The following CCL28 variants were observed in gnomAD, a reference collection of about 807,000 sequenced individuals.
CCL28 encodes C-C motif chemokine ligand 28.
A neutral mutation model predicts 7.1 loss-of-function variants in CCL28; 4 were observed. The observed-to-expected ratio is 0.56, with a 90% CI of 0.28 to 1.29. CCL28 has a LOEUF of 1.29. Ranked by LOEUF, CCL28 falls within the 50% of genes most tolerant of loss-of-function variation. The pLI, the probability that CCL28 is intolerant of heterozygous loss-of-function variation, is 0.11. For synonymous variants in CCL28, 55 were observed against 57.8 expected (o/e 0.95, Z 0.22); for missense variants, 151 against 163.4 (o/e 0.92, Z 0.41).
intron 1 of CCL28, among the ~76,000 whole-genome samples, chr5:43,406,508 A>G (rs969783303): frequency 2.0e-5 from 3 of 152,242 alleles, no homozygotes; most frequent in Non-Finnish European, 2.9e-5. Context: ...CCAAATAATC[A>G]GAGCTATTTA....
At chr5:43,370,181 G>A in the CCL28 span, among the ~76,000 whole-genome samples, 16 of 152,156 alleles carry the variant, frequency 1.1e-4, no homozygotes, top group African/African-American at 3.9e-4. Flanking sequence ...AGAAAATTTT[G>A]AGAAATAATA....
the CCL28 span, among the ~76,000 whole-genome samples, chr5:43,371,562 C>A: frequency 6.6e-6 from 1 of 152,102 alleles, no homozygotes; most frequent in Non-Finnish European, 1.5e-5. Context: ...ATGGAGAGAC[C>A]CACATGAGGC....
At chr5:43,361,741 A>C in the CCL28 span, among the ~76,000 whole-genome samples, 1 of 152,292 alleles carries the variant, frequency 6.6e-6, no homozygotes, top group African/African-American at 2.4e-5. Context: ...TTTATTGAAT[A>C]GGGAGTCCCT....
the CCL28 span, among the ~76,000 whole-genome samples, chr5:43,360,518 G>C: frequency 6.6e-6 from 1 of 152,008 alleles, no homozygotes; most frequent in African/African-American, 2.4e-5. Flanking sequence ...GAGAACATGT[G>C]GTATTTGGTT....
At chr5:43,389,362 G>A (rs150189546) in intron 1 of CCL28, among the ~76,000 whole-genome samples, 1 of 152,234 alleles carries the variant, frequency 6.6e-6, no homozygotes, top group Non-Finnish European at 1.5e-5. Flanking sequence ...CTTTAGCTAT[G>A]CTGTGCTGCC....
chr5:43,369,425 C>A, the CCL28 span, among the ~76,000 whole-genome samples: 2 of 148,412 alleles, frequency 1.3e-5, no homozygotes, highest in African/African-American at 5.3e-5. Flanking sequence ...AATTTTATTT[C>A]TTTTCTTTTC....
chr5:43,403,778 T>C (rs1269133035), intron 1 of CCL28, among the ~76,000 whole-genome samples: 1 of 152,128 alleles, frequency 6.6e-6, no homozygotes, highest in Non-Finnish European at 1.5e-5. Context: ...ATTAGATGAA[T>C]GGCTAACTAT....
chr5:43,403,337 A>G (rs1016883660), intron 1 of CCL28, among the ~76,000 whole-genome samples: 1 of 152,310 alleles, frequency 6.6e-6, no homozygotes, highest in East Asian at 1.9e-4. Flanking sequence ...TCAGGCAGCA[A>G]CATTTGCCAT....
intron 1 of CCL28, among the ~76,000 whole-genome samples, chr5:43,408,875 T>C (rs1385736208): frequency 6.7e-6 from 1 of 148,842 alleles, no homozygotes; most frequent in Non-Finnish European, 1.5e-5. Context: ...GTAATTTTAT[T>C]TTTTTGGTAA....
At chr5:43,377,716 A>AATTTTTTTTT (rs1561151287), downstream of CCL28, among the ~76,000 whole-genome samples, 7 of 45,658 alleles carry the variant, frequency 1.5e-4, no homozygotes, top group Non-Finnish European at 3.0e-4. Context: ...TAGAACTTAA[A>AATTTTTTTTT]CTTTTTTTTT....
At chr5:43,357,659 G>C in the CCL28 span, among the ~76,000 whole-genome samples, 1 of 151,954 alleles carries the variant, frequency 6.6e-6, no homozygotes, top group African/African-American at 2.4e-5. Context: ...CTCCCACCCA[G>C]GTCTCTGATG....
At position 43,381,104 on chromosome 5, in the gene CCL28, T is replaced by C. The variant is rs553141177; in HGVS notation, c.*756A>G. The C allele has an allele frequency of 1.3e-5, 2 of 152,206 alleles. No individual in the cohort carries two copies. Among genetic ancestry groups the C allele is most frequent in the South Asian group, 2.1e-4 (1 of 4,826 alleles). 9.4% of individuals were successfully genotyped at this position (152,206 alleles called of 1,614,324 possible). A position where few individuals can be genotyped will look rare whatever the true frequency, so the allele number is the denominator to read the frequency against. ...CCAAAAAGAAACTAGGGGTGAAGTG[T>C]CATGATTTTTGCAACTTATTTTCAA... On this transcript the variant is annotated 3_prime_UTR_variant, in exon 3 of 3. Coordinates refer to ENST00000361115, the MANE Select transcript of CCL28 (RefSeq NM_148672.3).
chr5:43,368,230 G>T, the CCL28 span, among the ~76,000 whole-genome samples: 5 of 152,278 alleles, frequency 3.3e-5, no homozygotes, highest in East Asian at 9.6e-4. Context: ...TGCAACAAAA[G>T]AGCAATTATT....
chr5:43,359,992 G>A, the CCL28 span, among the ~76,000 whole-genome samples: 68,474 of 151,778 alleles, frequency 0.45, 16,179 homozygotes, highest in Middle Eastern at 0.61. Flanking sequence ...TAAAAACTCA[G>A]GATTCAGGGT....
chr5:43,380,650 A>G lies in CCL28; in HGVS notation c.*1210T>C, dbSNP rs185740968. The G allele has an allele frequency of 6.6e-6, 1 of 152,028 alleles. No homozygotes were observed. The highest frequency in any genetic ancestry group is 1.5e-5 in the Non-Finnish European group (1 of 68,050). The allele number at this position is 152,028 out of a possible 1,614,324, so 9.4% of individuals were successfully genotyped here. A position where few individuals can be genotyped will look rare whatever the true frequency, so the allele number is the denominator to read the frequency against. On this transcript the variant is annotated 3_prime_UTR_variant, in exon 3 of 3. Transcript: ENST00000361115. ...ACCCTGTCTCTACAAAAAATAAACA[A>G]AATTAGCCAGGTGTGGTGGGTATGC...
intron 1 of CCL28, among the ~76,000 whole-genome samples, chr5:43,411,680 C>T (rs1349472219): frequency 6.6e-6 from 1 of 152,208 alleles, no homozygotes; most frequent in African/African-American, 2.4e-5. Flanking sequence ...TATCCTCCAG[C>T]CGTAGCCTCC....
At chr5:43,385,094 T>C (rs1481926873) in intron 2 of CCL28, among the ~76,000 whole-genome samples, 1 of 152,182 alleles carries the variant, frequency 6.6e-6, no homozygotes, top group Non-Finnish European at 1.5e-5. Context: ...AGACAAGGTT[T>C]CACCGTGTTA....
downstream of CCL28, among the ~76,000 whole-genome samples, chr5:43,371,886 T>G (rs1739792542): frequency 6.6e-6 from 1 of 152,242 alleles, no homozygotes; most frequent in Non-Finnish European, 1.5e-5. Flanking sequence ...TTTAGTTGGC[T>G]CACCATTTTG....
the CCL28 span, among the ~76,000 whole-genome samples, chr5:43,370,913 TGTATTTTTA>T: frequency 6.6e-6 from 1 of 152,102 alleles, no homozygotes; most frequent in East Asian, 1.9e-4. Context: ...AGCTAATTTT[TGTATTTTTA>T]GTAGAGATGG....
Sources: gnomAD v4.1 joint callset for allele counts (sites outside exome capture counted in the v4.1 genomes callset) on GRCh38, gnomAD v4.1.1 for gene constraint, MANE v1.5 for transcripts, NCBI Gene and HGNC (gene_info 2026-07-23, HGNC 2026-07-21) for gene names.